Variants in SULT1B1 observed in about 807,000 individuals in gnomAD.
The protein encoded by SULT1B1 is sulfotransferase family 1B member 1.
Under a neutral mutation model 34.6 loss-of-function variants are expected in SULT1B1, and 28 were observed. The observed-to-expected ratio is 0.81, with a 90% CI of 0.60 to 1.11. The LOEUF (loss-of-function observed/expected upper bound fraction) is 1.11. SULT1B1 is among the 50% of genes least tolerant of loss of function. The probability of loss-of-function intolerance (pLI) is 0.00; values close to 1 mark genes in which losing one functional copy is unlikely to be tolerated. For synonymous variants in SULT1B1, 147 were observed against 110.2 expected, an observed-to-expected ratio of 1.33 and a Z score of -2.09; for missense variants, 374 against 352.2, an observed-to-expected ratio of 1.06 and a Z score of -0.50.
At chr4:69,740,046 G>T (rs1718480150) in intron 4 of SULT1B1, among the ~76,000 whole-genome samples, 1 of 152,140 alleles carries the variant, frequency 6.6e-6, no homozygotes, top group Non-Finnish European at 1.5e-5. Context: ...AGTGTTCTGA[G>T]CCCTCCAAGT....
At chr4:69,729,668 C>A (rs1363098719) in intron 7 of SULT1B1, among the ~76,000 whole-genome samples, 1 of 151,986 alleles carries the variant, frequency 6.6e-6, no homozygotes, top group Non-Finnish European at 1.5e-5. Flanking sequence ...TCATATTACT[C>A]AAAATTGGCG....
chr4:69,753,965 C>G (rs1306221608), intron 3 of SULT1B1, among the ~76,000 whole-genome samples: 5 of 152,156 alleles, frequency 3.3e-5, no homozygotes, highest in Admixed American at 6.5e-5. Context: ...AACCATGTAG[C>G]TATTCTGGAA....
chr4:69,759,608 T>C (rs1192919270), intron 1 of SULT1B1, among the ~76,000 whole-genome samples: 1 of 152,164 alleles, frequency 6.6e-6, no homozygotes, highest in African/African-American at 2.4e-5. Flanking sequence ...GGATAAATGA[T>C]GAGTTCTGAA....
At chr4:69,727,507 T>C (rs565671460) in intron 7 of SULT1B1, among the ~76,000 whole-genome samples, 1 of 152,180 alleles carries the variant, frequency 6.6e-6, no homozygotes, top group South Asian at 2.1e-4. Context: ...GTGATAATTT[T>C]ACTGTTTCTA....
intron 1 of SULT1B1, 172 bp downstream of exon 1, chr4:69,760,287 T>C: frequency 1.1e-6 from 1 of 908,670 alleles, no homozygotes; most frequent in Non-Finnish European, 1.3e-6. Context: ...ATTGAAAGCT[T>C]GAGAGATTTT....
At chr4:69,754,531 C>T (rs1286912863) in intron 3 of SULT1B1, 139 bp downstream of exon 3, 8 of 738,110 alleles carry the variant, frequency 1.1e-5, no homozygotes, top group Non-Finnish European at 1.3e-5. Flanking sequence ...TCTTCTTATT[C>T]TTCAGTTTTA....
Position 69,722,969 on chromosome 4 carries a change from C to G in SULT1B1, c.*4119G>C, listed in dbSNP as rs1234457012. 1 of 151,824 alleles carries G rather than the reference C, an allele frequency of 6.6e-6. No homozygotes were observed. Among genetic ancestry groups the G allele is most frequent in the Non-Finnish European group, 1.5e-5 (1 of 67,972 alleles). The allele number at this position is 151,824 out of a possible 1,614,324, so 9.4% of individuals were successfully genotyped here. On this transcript the variant is annotated 3_prime_UTR_variant, in exon 8 of 8. Coordinates refer to ENST00000310613, the MANE Select transcript of SULT1B1 (RefSeq NM_014465.4). Reference sequence around the variant, plus strand: ...ATATGATCTCAGGAAAAAGACTTTGCTGCACATGGGGATATAAACAACTAC... The same window carrying G: ...ATATGATCTCAGGAAAAAGACTTTGGTGCACATGGGGATATAAACAACTAC...
At position 69,726,124 on chromosome 4, in the gene SULT1B1, T is replaced by C. The variant is rs1353571077; in HGVS notation, c.*964A>G. 1 of 136,804 alleles carries C rather than the reference T, an allele frequency of 7.3e-6. No homozygotes were observed. Among genetic ancestry groups the C allele is most frequent in the Non-Finnish European group, 1.6e-5 (1 of 63,804 alleles). 8.5% of individuals were successfully genotyped at this position (136,804 alleles called of 1,614,324 possible). On this transcript the variant is annotated 3_prime_UTR_variant, in exon 8 of 8. Coordinates refer to ENST00000310613, the MANE Select transcript of SULT1B1 (RefSeq NM_014465.4). ...ATAGATCAGAGACCACACAAATAGA[T>C]ATAAGCATGTAATAATAAGTAGAAG...
At chr4:69,734,639 T>C (rs1257166048) in intron 4 of SULT1B1, among the ~76,000 whole-genome samples, 2 of 151,770 alleles carry the variant, frequency 1.3e-5, no homozygotes, top group Non-Finnish European at 2.9e-5. Context: ...AATAACAAAA[T>C]TGTGGGAAAA....
intron 4 of SULT1B1, among the ~76,000 whole-genome samples, chr4:69,748,889 G>A (rs918654173): frequency 6.6e-6 from 1 of 151,896 alleles, no homozygotes; most frequent in Non-Finnish European, 1.5e-5. Flanking sequence ...CAACACTAAA[G>A]GCTTATTTTA....
At chr4:69,757,529 T>C (rs1719237497) in intron 1 of SULT1B1, among the ~76,000 whole-genome samples, 1 of 152,024 alleles carries the variant, frequency 6.6e-6, no homozygotes, top group African/African-American at 2.4e-5. Context: ...GAAAAACATG[T>C]TAGTATAACA....
rs752510867 is a variant in SULT1B1 at position 69,727,145 on chromosome 4, A to G, written c.834T>C (p.Asp278=). ...TGGACATTTCTGTCTCATAAATAGC[A>G]TCAAATTTCTCATTTTGGGCCACGG... ...YFTVAQNEKF[D]AIYETEMSKT... Residue 278 remains aspartate (D), a synonymous_variant, in exon 8 of 8, where the codon GAT becomes GAC. Coordinates refer to ENST00000310613, the MANE Select transcript of SULT1B1 (RefSeq NM_014465.4). 5 of 1,611,938 alleles carry G rather than the reference A, an allele frequency of 3.1e-6. No individual in the cohort carries two copies. In the Admixed American group the frequency reaches 8.4e-5, roughly 27 times the overall value.
intron 4 of SULT1B1, among the ~76,000 whole-genome samples, chr4:69,738,520 G>A (rs1718406515): frequency 6.6e-6 from 1 of 152,148 alleles, no homozygotes; most frequent in African/African-American, 2.4e-5. Context: ...TCACTATCAT[G>A]AGAACATCAT....
chr4:69,730,563 A>C lies in SULT1B1; in HGVS notation c.716T>G (p.Val239Gly). 1 of 1,613,186 alleles carries C rather than the reference A, an allele frequency of 6.2e-7. No homozygotes were observed. Among genetic ancestry groups the C allele is most frequent in the South Asian group, 1.1e-5 (1 of 91,056 alleles). ...SFEVMKDNPL[V>G]NYTHLPTTVM... ...TGTAGTTGGTAGATGTGTATAATTT[A>C]CCAAAGGATTGTCCTTCATCACTTC... The change falls in exon 7 of 8, where the codon GTA becomes GGA. Residue 239 changes from valine (V) to glycine (G), a missense_variant. Transcript: ENST00000310613.
chr4:69,742,631 C>T (rs367996548), intron 4 of SULT1B1, among the ~76,000 whole-genome samples: 34 of 152,132 alleles, frequency 2.2e-4, no homozygotes, highest in Admixed American at 2.0e-3. Context: ...CTTCACCAGC[C>T]GGAAACCTCT....
Position 69,749,758 on chromosome 4 carries a change from TC to T in SULT1B1, c.337del (p.Asp113IlefsTer14). The T allele has an allele frequency of 6.2e-7, 1 of 1,613,700 alleles. No individual in the cohort carries two copies. Among genetic ancestry groups the T allele is most frequent in the Non-Finnish European group, 8.5e-7 (1 of 1,179,702 alleles). The part of the protein sequence containing the change: ...PRIVKTHLPT[D>X]LLPKSFWENN... ...TTCCCAGAAAGATTTAGGAAGAAGA[TC>T]AGTCGGTAGATGTGTTTTCACAATC... is the stretch of plus-strand genomic sequence containing the variant. On this transcript the variant is annotated frameshift_variant, in exon 4 of 8. Transcript: ENST00000310613. LOFTEE classifies it high-confidence loss of function.
chr4:69,759,439 C>T (rs776637715), intron 1 of SULT1B1, among the ~76,000 whole-genome samples: 1 of 152,140 alleles, frequency 6.6e-6, no homozygotes, highest in Non-Finnish European at 1.5e-5. Flanking sequence ...GCACTTCATG[C>T]TGTAAAATTG....
At chr4:69,741,427 A>G (rs1718544897) in intron 4 of SULT1B1, among the ~76,000 whole-genome samples, 1 of 152,156 alleles carries the variant, frequency 6.6e-6, no homozygotes, top group South Asian at 2.1e-4. Flanking sequence ...GAAGAATGTA[A>G]TTAGTAATTT....
intron 1 of SULT1B1, among the ~76,000 whole-genome samples, chr4:69,757,292 G>C (rs1719228391): frequency 6.6e-6 from 1 of 152,028 alleles, no homozygotes; most frequent in African/African-American, 2.4e-5. Context: ...ACTAATTGCA[G>C]CATAAATTGC....
Sources: gnomAD v4.1 joint callset for allele counts (sites outside exome capture counted in the v4.1 genomes callset) on GRCh38, gnomAD v4.1.1 for gene constraint, MANE v1.5 for transcripts, NCBI Gene and HGNC (gene_info 2026-07-23, HGNC 2026-07-21) for gene names.